The following WWOX variants were observed in gnomAD, a reference collection of about 807,000 sequenced individuals.
WWOX encodes WW domain-containing oxidoreductase.
WWOX carries 69 observed loss-of-function variants against 46.2 expected under a neutral mutation model. The ratio of observed to expected loss-of-function variants is 1.49; its 90% CI spans 1.23 to 1.82. The LOEUF (loss-of-function observed/expected upper bound fraction) is 1.82. Among genes scored for constraint, WWOX ranks in the 40% most tolerant of loss-of-function variants. WWOX has a pLI of 0.00. For synonymous variants in WWOX, 359 were observed against 202.6 expected (o/e 1.77, Z -6.56); for missense variants, 919 against 542.6 (o/e 1.69, Z -6.89).
chr16:79,187,678 A>AT (rs2051045062), intron 8 of WWOX, among the ~76,000 whole-genome samples: 1 of 152,188 alleles, frequency 6.6e-6, no homozygotes, highest in South Asian at 2.1e-4. Context: ...CAGTGATGGG[A>AT]TTACAGGCAT....
chr16:78,410,386 G>C (rs575718947), intron 6 of WWOX, among the ~76,000 whole-genome samples: 21 of 152,202 alleles, frequency 1.4e-4, no homozygotes, highest in Non-Finnish European at 2.4e-4. Context: ...TTCAGTGGCT[G>C]TGGGGGTTAG....
intron 8 of WWOX, among the ~76,000 whole-genome samples, chr16:78,472,517 A>G (rs910939105): frequency 1.3e-5 from 2 of 152,152 alleles, no homozygotes; most frequent in African/African-American, 4.8e-5. Flanking sequence ...CTATGTTGAA[A>G]AAAATGATGA....
intron 8 of WWOX, among the ~76,000 whole-genome samples, chr16:79,090,266 G>A (rs972420442): frequency 1.4e-5 from 2 of 146,970 alleles, no homozygotes; most frequent in African/African-American, 5.1e-5. Context: ...CATCCTGACA[G>A]ATTCTACTGT....
intron 6 of WWOX, among the ~76,000 whole-genome samples, chr16:78,403,555 C>T (rs1337648546): frequency 6.6e-6 from 1 of 152,100 alleles, no homozygotes; most frequent in Non-Finnish European, 1.5e-5. Flanking sequence ...TTTATTTTCC[C>T]CACTTACCAA....
chr16:79,045,774 C>G (rs374357981), intron 8 of WWOX, among the ~76,000 whole-genome samples: 1 of 41,320 alleles, frequency 2.4e-5, no homozygotes, highest in Non-Finnish European at 7.3e-5. Context: ...TTCCTTTTTT[C>G]TTTTCCTTTT....
intron 8 of WWOX, among the ~76,000 whole-genome samples, chr16:79,046,355 C>G (rs1273568150): frequency 2.0e-5 from 3 of 152,196 alleles, no homozygotes; most frequent in Non-Finnish European, 2.9e-5. Flanking sequence ...CTGGTTCTTC[C>G]TTTCCTGTAT....
intron 6 of WWOX, among the ~76,000 whole-genome samples, chr16:78,391,965 G>A (rs7192626): frequency 4.0e-5 from 6 of 150,646 alleles, no homozygotes; most frequent in South Asian, 2.1e-4. Context: ...AAATAAGGTC[G>A]ATGCATTTTT....
intron 5 of WWOX, among the ~76,000 whole-genome samples, chr16:78,247,210 G>A (rs935694038): frequency 2.0e-5 from 3 of 152,158 alleles, no homozygotes; most frequent in African/African-American, 7.2e-5. Context: ...GATGGGTGTG[G>A]CCGCCCCCCT....
intron 8 of WWOX, among the ~76,000 whole-genome samples, chr16:78,990,481 C>T (rs1983094): frequency 0.98 from 149,753 of 152,280 alleles, 73,703 homozygotes; most frequent in East Asian, 1. Context: ...AGCTGTGTTA[C>T]TGCAAACTCT....
chr16:79,037,083 C>T (rs543698273), intron 8 of WWOX, among the ~76,000 whole-genome samples: 11 of 152,218 alleles, frequency 7.2e-5, no homozygotes, highest in African/African-American at 1.4e-4. Flanking sequence ...AGACTCAGGG[C>T]GGGGCCTGGG....
At chr16:79,046,022 G>A (rs564916718) in intron 8 of WWOX, among the ~76,000 whole-genome samples, 2 of 151,928 alleles carry the variant, frequency 1.3e-5, no homozygotes, top group South Asian at 2.1e-4. Flanking sequence ...GGCTGGCCTC[G>A]AGCTCCTGAC....
chr16:78,444,500 G>C (rs2083513757), intron 8 of WWOX, among the ~76,000 whole-genome samples: 1 of 151,770 alleles, frequency 6.6e-6, no homozygotes, highest in South Asian at 2.1e-4. Flanking sequence ...AGAAATTATA[G>C]GAAGGATACA....
chr16:78,437,598 T>G (rs865787442), intron 8 of WWOX, among the ~76,000 whole-genome samples: 1 of 152,198 alleles, frequency 6.6e-6, no homozygotes. Context: ...TCCAGAGAAC[T>G]GGACAAGTGT....
chr16:79,090,340 G>C (rs2150599347), intron 8 of WWOX, among the ~76,000 whole-genome samples: 1 of 151,114 alleles, frequency 6.6e-6, no homozygotes, highest in Non-Finnish European at 1.5e-5. Context: ...TTGCATTGGT[G>C]TCTAAAGCCA....
At chr16:78,125,392 T>G (rs912938817) in intron 4 of WWOX, among the ~76,000 whole-genome samples, 1 of 152,162 alleles carries the variant, frequency 6.6e-6, no homozygotes, top group African/African-American at 2.4e-5. Context: ...AGCACACTCC[T>G]GAATGAGCTC....
At chr16:78,553,119 C>G (rs1415671998) in intron 8 of WWOX, 6 of 152,068 alleles carry the variant, frequency 3.9e-5, no homozygotes, top group Admixed American at 6.5e-5. Context: ...CACACTGGGG[C>G]TTGTGAGGAG....
intron 8 of WWOX, among the ~76,000 whole-genome samples, chr16:78,964,229 CAGA>C (rs1211025768): frequency 5.5e-4 from 83 of 152,212 alleles, no homozygotes; most frequent in African/African-American, 1.8e-3. Flanking sequence ...TGGGAGGTCT[CAGA>C]AGAAGACAGG....
At chr16:79,134,718 C>T (rs1468955968) in intron 8 of WWOX, among the ~76,000 whole-genome samples, 3 of 152,156 alleles carry the variant, frequency 2.0e-5, no homozygotes, top group Non-Finnish European at 4.4e-5. Flanking sequence ...ACTTGGGGCT[C>T]AGAGAAATGA....
chr16:78,344,662 G>T lies in WWOX; in HGVS notation c.517-42198G>T, dbSNP rs958485091. Among the ~76,000 whole-genome samples, 22 of 121,406 alleles carry T rather than the reference G, an allele frequency of 1.8e-4. 6 individuals are homozygous for T. The South Asian group carries it at 5.4e-3, about 30-fold the overall frequency. The allele number at this position is 121,406 out of a possible 152,430, so 79.6% of individuals were successfully genotyped here. A position where few individuals can be genotyped will look rare whatever the true frequency, so the allele number is the denominator to read the frequency against. On this transcript the variant is annotated intron_variant, in intron 5 of 8. Transcript: ENST00000566780. ...AGTTTCAATGAGTACCTATGTGCTG[G>T]GCACTTAGCTGGTTTTTACACACAT...
Sources: gnomAD v4.1 joint callset for allele counts (sites outside exome capture counted in the v4.1 genomes callset) on GRCh38, gnomAD v4.1.1 for gene constraint, MANE v1.5 for transcripts, NCBI Gene and HGNC (gene_info 2026-07-23, HGNC 2026-07-21) for gene names.